ATXN7L1: variants seen among roughly 807,000 people sequenced by gnomAD.
ATXN7L1 encodes the protein ataxin 7 like 1.
ATXN7L1 carries 15 observed loss-of-function variants against 70.8 expected under a neutral mutation model. That is an observed-to-expected ratio of 0.21 (90% confidence interval 0.14 to 0.33). The LOEUF (loss-of-function observed/expected upper bound fraction) is 0.33, where lower values mean the gene tolerates loss of function less well. ATXN7L1 is among the 10% of genes least tolerant of loss of function. The pLI is 1.00. For missense variants in ATXN7L1, 975 were observed against 1,097.1 expected, an observed-to-expected ratio of 0.89 and a Z score of 1.57; for synonymous variants, 440 against 445.1, an observed-to-expected ratio of 0.99 and a Z score of 0.14.
At chr7:105,706,000 G>A (rs1793112764) in intron 3 of ATXN7L1, among the ~76,000 whole-genome samples, 1 of 152,164 alleles carries the variant, frequency 6.6e-6, no homozygotes, top group Non-Finnish European at 1.5e-5. Context: ...GGCACTCCAA[G>A]TGTGTTAGAT....
intron 3 of ATXN7L1, among the ~76,000 whole-genome samples, chr7:105,740,156 T>C (rs1033603552): frequency 2.0e-5 from 3 of 152,194 alleles, no homozygotes; most frequent in African/African-American, 4.8e-5. Context: ...AGACAATCTC[T>C]GAATCAAGAA....
At chr7:105,717,082 G>T (rs2116288251) in intron 3 of ATXN7L1, among the ~76,000 whole-genome samples, 1 of 152,072 alleles carries the variant, frequency 6.6e-6, no homozygotes, top group African/African-American at 2.4e-5. Context: ...TGTTTTAAAT[G>T]CTGTTTCCCC....
chr7:105,632,195 CAGAGGA>C (rs1424632707), intron 7 of ATXN7L1, among the ~76,000 whole-genome samples: 1 of 152,002 alleles, frequency 6.6e-6, no homozygotes, highest in Non-Finnish European at 1.5e-5. Flanking sequence ...AAGACATGAA[CAGAGGA>C]AGGAAACAAA....
intron 3 of ATXN7L1, among the ~76,000 whole-genome samples, chr7:105,673,402 C>T (rs900448836): frequency 5.9e-5 from 9 of 152,222 alleles, no homozygotes; most frequent in Admixed American, 5.2e-4. Context: ...TCCCAATAGA[C>T]TTTGAGCACC....
chr7:105,815,931 C>T (rs995346101), intron 2 of ATXN7L1, among the ~76,000 whole-genome samples: 7 of 152,256 alleles, frequency 4.6e-5, no homozygotes, highest in African/African-American at 1.2e-4. Context: ...ATAGACAAAG[C>T]GGTCTTTTAA....
At chr7:105,709,070 A>C (rs957478144) in intron 3 of ATXN7L1, among the ~76,000 whole-genome samples, 1 of 136,826 alleles carries the variant, frequency 7.3e-6, no homozygotes, top group Non-Finnish European at 1.5e-5. Context: ...GTATTGGCTC[A>C]TACCTGTAAT....
intron 3 of ATXN7L1, among the ~76,000 whole-genome samples, chr7:105,783,441 A>G (rs1803826669): frequency 6.6e-6 from 1 of 152,136 alleles, no homozygotes; most frequent in Non-Finnish European, 1.5e-5. Context: ...TGCTAATGAG[A>G]TGACTGGTGG....
chr7:105,789,714 T>C (rs544091219), intron 2 of ATXN7L1, among the ~76,000 whole-genome samples: 1 of 152,146 alleles, frequency 6.6e-6, no homozygotes, highest in African/African-American at 2.4e-5. Flanking sequence ...CCATGAACCT[T>C]CCATGCCCAG....
intron 10 of ATXN7L1, among the ~76,000 whole-genome samples, chr7:105,611,902 TTTC>T (rs1793188483): frequency 6.6e-6 from 1 of 152,230 alleles, no homozygotes; most frequent in African/African-American, 2.4e-5. Flanking sequence ...GATAAAGCCT[TTTC>T]TTAATGCCCT....
At chr7:105,691,087 C>G (rs549350883) in intron 3 of ATXN7L1, among the ~76,000 whole-genome samples, 329 of 152,336 alleles carry the variant, frequency 2.2e-3, no homozygotes, top group Non-Finnish European at 3.6e-3. Context: ...CTTCCTCCGT[C>G]CCCCTCCCCC....
intron 2 of ATXN7L1, among the ~76,000 whole-genome samples, chr7:105,829,151 G>C (rs1351926201): frequency 6.6e-6 from 1 of 152,236 alleles, no homozygotes; most frequent in African/African-American, 2.4e-5. Flanking sequence ...GCCAGGCGCT[G>C]TGGCTCACGC....
intron 2 of ATXN7L1, among the ~76,000 whole-genome samples, chr7:105,866,033 T>C (rs967189731): frequency 6.6e-6 from 1 of 152,158 alleles, no homozygotes; most frequent in Non-Finnish European, 1.5e-5. Context: ...TCCAGCATCT[T>C]CCATACCCCT....
At chr7:105,706,178 T>C (rs1793132098) in intron 3 of ATXN7L1, among the ~76,000 whole-genome samples, 1 of 152,030 alleles carries the variant, frequency 6.6e-6, no homozygotes, top group Non-Finnish European at 1.5e-5. Flanking sequence ...TAGTTGTTTT[T>C]GTTTTTTGTT....
chr7:105,671,670 G>A (rs1803716221), intron 3 of ATXN7L1, among the ~76,000 whole-genome samples: 1 of 152,078 alleles, frequency 6.6e-6, no homozygotes, highest in Non-Finnish European at 1.5e-5. Flanking sequence ...GCTGAGGCGG[G>A]TGGATTGCTG....
intron 2 of ATXN7L1, among the ~76,000 whole-genome samples, chr7:105,873,136 A>AGAGC (rs1437104031): frequency 6.7e-6 from 1 of 149,772 alleles, no homozygotes; most frequent in Non-Finnish European, 1.5e-5. Context: ...CCTGGGCGGC[A>AGAGC]GAGCAAGACT....
rs761137516 is a variant in ATXN7L1 at position 105,613,895 on chromosome 7, C to T, written c.2439G>A (p.Val813=). Reference sequence around the variant, plus strand: ...AGGAGGTGCTGTTAACGGGATCGGGCACCGGTGCGAGAAGGCTGGGCGGGT... The same window carrying T: ...AGGAGGTGCTGTTAACGGGATCGGGTACCGGTGCGAGAAGGCTGGGCGGGT... ...KKNPPSLLAP[V]PDPVNSTSSR... Residue 813 remains valine, a synonymous_variant, in exon 10 of 12, where the codon GTG becomes GTA. Coordinates refer to ENST00000419735, the MANE Select transcript of ATXN7L1 (RefSeq NM_020725.2). 1.9e-6 allele frequency: 3 copies of T among 1,552,036 alleles called. No individual in the cohort carries two copies. Among genetic ancestry groups the T allele is most frequent in the South Asian group, 2.4e-5 (2 of 84,058 alleles).
intron 2 of ATXN7L1, among the ~76,000 whole-genome samples, chr7:105,830,688 CTT>C (rs371415887): frequency 6.6e-6 from 1 of 152,264 alleles, no homozygotes; most frequent in African/African-American, 2.4e-5. Context: ...AAATCTCTCT[CTT>C]CTCTAAGAGG....
At chr7:105,819,570 G>C in intron 2 of ATXN7L1, 1 of 1,203,616 alleles carries the variant, frequency 8.3e-7, no homozygotes, top group Non-Finnish European at 1.2e-6. Flanking sequence ...GGCTAAGTAG[G>C]TACTGCTGGG....
chr7:105,733,238 G>A (rs1352288381), intron 3 of ATXN7L1, among the ~76,000 whole-genome samples: 1 of 152,162 alleles, frequency 6.6e-6, no homozygotes, highest in East Asian at 1.9e-4. Flanking sequence ...GAATGAATGG[G>A]TGATTTTCTA....
Sources: gnomAD v4.1 joint callset for allele counts (sites outside exome capture counted in the v4.1 genomes callset) on GRCh38, gnomAD v4.1.1 for gene constraint, MANE v1.5 for transcripts, NCBI Gene and HGNC (gene_info 2026-07-23, HGNC 2026-07-21) for gene names.